Variants in ZKSCAN4 observed in about 807,000 individuals in gnomAD.
ZKSCAN4 encodes the protein zinc finger with KRAB and SCAN domains 4.
ZKSCAN4 carries 23 observed loss-of-function variants against 30.8 expected under a neutral mutation model. The ratio of observed to expected loss-of-function variants is 0.75; its 90% CI spans 0.54 to 1.06. The LOEUF (loss-of-function observed/expected upper bound fraction) is 1.06. Among genes scored for constraint, ZKSCAN4 ranks in the 50% least tolerant of loss-of-function variants. The probability of loss-of-function intolerance (pLI) is 0.00; values close to 1 mark genes in which losing one functional copy is unlikely to be tolerated. For synonymous variants in ZKSCAN4, 208 were observed against 252.5 expected (o/e 0.82, Z 1.67); for missense variants, 556 against 665.4 (o/e 0.84, Z 1.81).
intron 2 of ZKSCAN4, among the ~76,000 whole-genome samples, chr6:28,248,845 GAAA>G (rs1219950248): frequency 8.3e-6 from 1 of 120,716 alleles, no homozygotes; most frequent in African/African-American, 3.5e-5. Context: ...AAAAAAAAAA[GAAA>G]AAAGAAAAAG....
rs1233271742 is a variant in ZKSCAN4, at chr6:28,242,728, G to C, written c.*2388C>G. On this transcript the variant is annotated 3_prime_UTR_variant, in exon 5 of 5. Transcript: ENST00000377294. ...GTGTGCAAGTCTTACCAACCTGACT[G>C]TACTAAAGACCTAAGCCTAAGTGTG... 6.6e-6 allele frequency among the ~76,000 whole-genome samples: 1 copy of C among 151,714 alleles called. No individual in the cohort carries two copies. The highest frequency in any genetic ancestry group is 1.5e-5 in the Non-Finnish European group (1 of 67,966).
chr6:28,247,110 C>G lies in ZKSCAN4; in HGVS notation c.655-18G>C. On this transcript the variant is annotated intron_variant, in intron 3 of 4. Transcript: ENST00000377294. Reference sequence around the variant, plus strand: ...AGCAAACCCTAAAACAATAGGTAGTCCTAACTAGCTCCTCTTGCCCAAAAT... The same window carrying G: ...AGCAAACCCTAAAACAATAGGTAGTGCTAACTAGCTCCTCTTGCCCAAAAT... The G allele has an allele frequency of 6.3e-7, 1 of 1,575,368 alleles. No homozygotes were observed. The highest frequency in any genetic ancestry group is 8.6e-7 in the Non-Finnish European group (1 of 1,161,278).
chr6:28,256,607 T>C (rs973196104), upstream of ZKSCAN4, among the ~76,000 whole-genome samples: 16 of 152,226 alleles, frequency 1.1e-4, no homozygotes, highest in Non-Finnish European at 2.4e-4. Flanking sequence ...AAACTGTCCC[T>C]ATTTTCTTAA....
upstream of ZKSCAN4, among the ~76,000 whole-genome samples, chr6:28,255,698 T>G (rs1016811291): frequency 1.3e-5 from 2 of 152,110 alleles, no homozygotes; most frequent in Non-Finnish European, 2.9e-5. Context: ...GTACTCTAAG[T>G]GTTCCTCCAT....
intron 4 of ZKSCAN4, 117 bp downstream of exon 4, chr6:28,246,852 G>T: frequency 7.9e-7 from 1 of 1,264,368 alleles, no homozygotes; most frequent in East Asian, 2.5e-5. Context: ...AGGCTTTCAG[G>T]AATGGTGATT....
chr6:28,243,959 C>T lies in ZKSCAN4; in HGVS notation c.*1157G>A, dbSNP rs1760600388. Among the ~76,000 whole-genome samples the T allele has an allele frequency of 6.6e-6, 1 of 152,122 alleles. No individual in the cohort carries two copies. The highest frequency in any genetic ancestry group is 1.5e-5 in the Non-Finnish European group (1 of 68,028). On this transcript the variant is annotated 3_prime_UTR_variant, in exon 5 of 5. Coordinates refer to ENST00000377294, the MANE Select transcript of ZKSCAN4 (RefSeq NM_019110.5). ...GGATTACAGGTGTAAGCCATGGCACCCAGCCTGAACAGATACATTTTCTCC... is the reference window on the plus strand; with the variant it reads ...GGATTACAGGTGTAAGCCATGGCACTCAGCCTGAACAGATACATTTTCTCC...
In ZKSCAN4 at chr6:28,249,733, A is replaced by G. The variant is rs752175060; in HGVS notation, c.525T>C (p.Ala175=). The G allele has an allele frequency of 2.5e-6, 4 of 1,614,166 alleles. No individual in the cohort carries two copies. The highest frequency in any genetic ancestry group is 3.4e-6 in the Non-Finnish European group (4 of 1,180,018). ...ATCCCAGAGATTCATGCTTGAACAG[A>G]GCCTTCATTGGCTGGCACTGGCTAC... The part of the protein sequence containing the change: ...SQSSQCQPMK[A]LFKHESLGSQ... The change falls in exon 2 of 5, where the codon GCT becomes GCC. Residue 175 remains alanine, a synonymous_variant. Coordinates refer to ENST00000377294, the MANE Select transcript of ZKSCAN4 (RefSeq NM_019110.5). This position sits in a 1 kb window ranked among gnomAD's most constrained non-coding sequence, Gnocchi z 4.1.
At chr6:28,254,052 C>G (rs1009736976), upstream of ZKSCAN4, among the ~76,000 whole-genome samples, 2 of 152,194 alleles carry the variant, frequency 1.3e-5, no homozygotes, top group Non-Finnish European at 2.9e-5. Context: ...GTGGGACATT[C>G]TATAGAACAG....
chr6:28,252,226 A>G lies in ZKSCAN4; in HGVS notation c.-246T>C. On this transcript the variant is annotated 5_prime_UTR_variant, in exon 1 of 5. Transcript: ENST00000377294. ...AGTATCACCAAAGGATGTCTTTGGG[A>G]GTGAAAGTGATCACTCTCCAGACAT... 1 of 361,898 alleles carries G rather than the reference A, an allele frequency of 2.8e-6. No individual in the cohort carries two copies. Among genetic ancestry groups the G allele is most frequent in the Non-Finnish European group, 4.9e-6 (1 of 202,792 alleles). The allele number at this position is 361,898 out of a possible 1,614,324, so 22.4% of individuals were successfully genotyped here. A position where few individuals can be genotyped will look rare whatever the true frequency, so the allele number is the denominator to read the frequency against.
intron 4 of ZKSCAN4, 137 bp downstream of exon 4, chr6:28,246,832 A>G: frequency 4.9e-6 from 5 of 1,016,962 alleles, no homozygotes; most frequent in Non-Finnish European, 7.1e-6. Flanking sequence ...AGGAGCTAGT[A>G]GTCAGTAACA....
upstream of ZKSCAN4, among the ~76,000 whole-genome samples, chr6:28,253,803 T>G (rs1761101019): frequency 6.6e-6 from 1 of 152,134 alleles, no homozygotes; most frequent in South Asian, 2.1e-4. This position sits in a 1 kb window ranked among gnomAD's most constrained non-coding sequence, Gnocchi z 4.2. Context: ...CTTCCTGGGT[T>G]CAAGTGATTC....
At chr6:28,256,424 C>T (rs2113696889), upstream of ZKSCAN4, among the ~76,000 whole-genome samples, 1 of 152,102 alleles carries the variant, frequency 6.6e-6, no homozygotes, top group South Asian at 2.1e-4. Context: ...GAGTAAGACC[C>T]TGTCTCAAAA....
At position 28,252,102 on chromosome 6, in the gene ZKSCAN4, G is replaced by C. The variant is rs530669205; in HGVS notation, c.-122C>G. 46 of 1,136,362 alleles carry C rather than the reference G, an allele frequency of 4.0e-5. No individual in the cohort carries two copies. In the East Asian group the frequency reaches 1.1e-3, roughly 27 times the overall value. The allele number at this position is 1,136,362 out of a possible 1,614,324, so 70.4% of individuals were successfully genotyped here. On this transcript the variant is annotated 5_prime_UTR_variant, in exon 1 of 5. Transcript: ENST00000377294. ...GTGGTCCCCCTCCTGTCATGCCCAGGGGCCCAGGACACCCCCTGAGGCGCA... is the reference window on the plus strand; with the variant it reads ...GTGGTCCCCCTCCTGTCATGCCCAGCGGCCCAGGACACCCCCTGAGGCGCA...
rs574751197 is a variant in ZKSCAN4 at position 28,249,061 on chromosome 6, A to G, written c.571+626T>C. Among the ~76,000 whole-genome samples the G allele has an allele frequency of 6.6e-6, 1 of 152,310 alleles. No individual in the cohort carries two copies. Among genetic ancestry groups the G allele is most frequent in the South Asian group, 2.1e-4 (1 of 4,822 alleles). On this transcript the variant is annotated intron_variant, in intron 2 of 4. Transcript: ENST00000377294. This position sits in a 1 kb window ranked among gnomAD's most constrained non-coding sequence, Gnocchi z 4.1. ...AAATAAAGATTGCATGTTGGATGGC[A>G]TGTCCAAGTGTTGTATGTCTTAGGA...
At position 28,244,719 on chromosome 6, in the gene ZKSCAN4, A is replaced by G. The variant is rs1760627034; in HGVS notation, c.*397T>C. Reference sequence around the variant, plus strand: ...CAAAGAAGAGTAAAAGACCTCATGGATCTGACCAATTTGTGAAAGATTCAT... The same window carrying G: ...CAAAGAAGAGTAAAAGACCTCATGGGTCTGACCAATTTGTGAAAGATTCAT... On this transcript the variant is annotated 3_prime_UTR_variant, in exon 5 of 5. Transcript: ENST00000377294. 1 of 278,884 alleles carries G rather than the reference A, an allele frequency of 3.6e-6. No homozygotes were observed. The highest frequency in any genetic ancestry group is 9.0e-5 in the East Asian group (1 of 11,160). 17.3% of individuals were successfully genotyped at this position (278,884 alleles called of 1,614,324 possible).
At position 28,251,780 on chromosome 6, in the gene ZKSCAN4, G is replaced by A; in HGVS notation, c.201C>T (p.Pro67=). The change falls in exon 1 of 5, where the codon CCC becomes CCT. Residue 67 remains proline, a synonymous_variant. Coordinates refer to ENST00000377294, the MANE Select transcript of ZKSCAN4 (RefSeq NM_019110.5). The surrounding 1 kb of genome is among the most constrained non-coding windows in gnomAD (Gnocchi z 4.5). ...CTCGGAGCCGGCTCAACGCCTCGCG[G>A]GGGCCCGCAGCCTCCGGGTAGCGGA... is the stretch of plus-strand genomic sequence containing the variant. The part of the protein sequence containing the change: ...RGFRYPEAAG[P]REALSRLREL... 3.7e-6 allele frequency: 6 copies of A among 1,614,042 alleles called. No homozygotes were observed. Among genetic ancestry groups the A allele is most frequent in the Non-Finnish European group, 5.1e-6 (6 of 1,179,914 alleles).
rs1443171502 is a variant in ZKSCAN4 at position 28,243,480 on chromosome 6, T to G, written c.*1636A>C. On this transcript the variant is annotated 3_prime_UTR_variant, in exon 5 of 5. Coordinates refer to ENST00000377294, the MANE Select transcript of ZKSCAN4 (RefSeq NM_019110.5). Reference sequence around the variant, plus strand: ...AGGCACTTGAGCACTTCGGAAGAAATCAGTCTTTAAGCATCGCAGGTGATT... The same window carrying G: ...AGGCACTTGAGCACTTCGGAAGAAAGCAGTCTTTAAGCATCGCAGGTGATT... Among the ~76,000 whole-genome samples, 1 of 152,116 alleles carries G rather than the reference T, an allele frequency of 6.6e-6. No homozygotes were observed. The highest frequency in any genetic ancestry group is 6.6e-5 in the Admixed American group (1 of 15,258).
chr6:28,246,205 A>G (rs544444135), intron 4 of ZKSCAN4, among the ~76,000 whole-genome samples: 1 of 152,190 alleles, frequency 6.6e-6, no homozygotes, highest in East Asian at 1.9e-4. Context: ...GAGTGGAGGG[A>G]AAATGGTGAG....
At chr6:28,257,957 C>G in the ZKSCAN4 span, among the ~76,000 whole-genome samples, 1 of 152,180 alleles carries the variant, frequency 6.6e-6, no homozygotes, top group Non-Finnish European at 1.5e-5. Flanking sequence ...TTTACTTACA[C>G]AAACTCTATA....
Sources: gnomAD v4.1 joint callset for allele counts (sites outside exome capture counted in the v4.1 genomes callset) on GRCh38, gnomAD v4.1.1 for gene constraint, Gnocchi (gnomAD v3.1) non-coding constraint, MANE v1.5 for transcripts, NCBI Gene and HGNC (gene_info 2026-07-23, HGNC 2026-07-21) for gene names.